PCDHGB1: variants seen among roughly 807,000 people sequenced by gnomAD.
PCDHGB1 encodes the protein protocadherin gamma-B1.
Under a neutral mutation model 56.6 loss-of-function variants are expected in PCDHGB1, and 34 were observed. The ratio of observed to expected loss-of-function variants is 0.60; its 90% confidence interval spans 0.46 to 0.80. The LOEUF (loss-of-function observed/expected upper bound fraction) is 0.80. PCDHGB1 is among the 30% of genes least tolerant of loss of function. The pLI is 0.00. For missense variants in PCDHGB1, 1,278 were observed against 1,204.6 expected (o/e 1.06, Z -0.90); for synonymous variants, 561 against 505.9 (o/e 1.11, Z -1.46).
intron 3 of PCDHGB1, among the ~76,000 whole-genome samples, 193 bp downstream of exon 3, chr5:141,505,674 G>C (rs1482125302): frequency 6.6e-6 from 1 of 152,192 alleles, no homozygotes; most frequent in East Asian, 1.9e-4. Context: ...GGGGTTGGGG[G>C]TCCTGGGATG....
At chr5:141,400,165 C>T (rs749867110) in intron 1 of PCDHGB1, 2 of 1,614,040 alleles carry the variant, frequency 1.2e-6, no homozygotes, top group South Asian at 2.2e-5. Flanking sequence ...ACCCTCTGAC[C>T]CCCAGGCTGA....
intron 1 of PCDHGB1, chr5:141,417,768 C>T: frequency 6.9e-7 from 1 of 1,451,358 alleles, no homozygotes; most frequent in Non-Finnish European, 9.1e-7. Context: ...ACCCGGGACT[C>T]CTCCTGTCCT....
Position 141,366,322 on chromosome 5 carries a change from G to T in PCDHGB1, c.2409+13653G>T, listed in dbSNP as rs1764494961. 3.1e-6 allele frequency: 5 copies of T among 1,613,654 alleles called. No individual in the cohort carries two copies. The South Asian group carries it at 5.5e-5, about 18-fold the overall frequency. On this transcript the variant is annotated intron_variant, in intron 1 of 3. Transcript: ENST00000523390. ...CCACCTTCACGGTCACCGTTGCCGT[G>T]GCCGACAGGATCCCTGACATCCTGG... is the stretch of plus-strand genomic sequence containing the variant.
rs1007318194 is a variant in PCDHGB1, at chr5:141,512,035, T to G, written c.*862T>G. On this transcript the variant is annotated 3_prime_UTR_variant, in exon 4 of 4. Coordinates refer to ENST00000523390, the MANE Select transcript of PCDHGB1 (RefSeq NM_018922.3). ...AAGTTATCAAGGCCTTGGAGGAGGC[T>G]CTGTATGTCCTCAGGGGACTGACAA... 1.3e-5 allele frequency: 2 copies of G among 152,870 alleles called. No individual in the cohort carries two copies. Among genetic ancestry groups the G allele is most frequent in the African/African-American group, 4.8e-5 (2 of 41,464 alleles). The allele number at this position is 152,870 out of a possible 1,614,324, so 9.5% of individuals were successfully genotyped here.
chr5:141,367,411 C>G (rs1046748433), intron 1 of PCDHGB1: 8 of 152,236 alleles, frequency 5.3e-5, no homozygotes, highest in Admixed American at 3.9e-4. Context: ...GTGGCAGGCG[C>G]CTGTAGTCCC....
intron 1 of PCDHGB1, chr5:141,423,251 A>T: frequency 6.2e-7 from 1 of 1,613,844 alleles, no homozygotes; most frequent in East Asian, 2.2e-5. Context: ...GTCCTGGCGG[A>T]CCTCGGCAGC....
At chr5:141,402,872 T>C in intron 1 of PCDHGB1, 1 of 1,455,372 alleles carries the variant, frequency 6.9e-7, no homozygotes, top group Non-Finnish European at 9.1e-7. Flanking sequence ...AAGATCACCA[T>C]ACTTTGCAGG....
chr5:141,408,973 T>C (rs754120948), intron 1 of PCDHGB1: 8 of 1,613,718 alleles, frequency 5.0e-6, no homozygotes, highest in South Asian at 1.1e-5. Context: ...ATCTGCCCCC[T>C]GGGTCCCCTG....
intron 1 of PCDHGB1, chr5:141,372,525 A>G: frequency 6.2e-7 from 1 of 1,613,804 alleles, no homozygotes; most frequent in South Asian, 1.1e-5. Flanking sequence ...GATTCTGGCA[A>G]TCTCCCTGCG....
In PCDHGB1 at chr5:141,351,135, C is replaced by A; in HGVS notation, c.875C>A (p.Pro292Gln). The A allele has an allele frequency of 6.2e-7, 1 of 1,614,038 alleles. No homozygotes were observed. The highest frequency in any genetic ancestry group is 1.1e-5 in the South Asian group (1 of 91,088). The change falls in exon 1 of 4, where the codon CCA becomes CAA. Residue 292 changes from proline to glutamine, a missense_variant. Coordinates refer to ENST00000523390, the MANE Select transcript of PCDHGB1 (RefSeq NM_018922.3). ...PISTSLFNLN[P>Q]NTGDITTNGT... ...AGTACCAGCCTCTTCAATCTCAATC[C>A]AAATACTGGCGACATCACAACCAAT...
At chr5:141,354,975 T>C (rs1466745484) in intron 1 of PCDHGB1, 5 of 539,240 alleles carry the variant, frequency 9.3e-6, no homozygotes, top group Non-Finnish European at 1.5e-5. Context: ...ACTCTGGGTG[T>C]CGCTGTTCAC....
Position 141,397,948 on chromosome 5 carries a change from C to T in PCDHGB1, c.2409+45279C>T, listed in dbSNP as rs139631080. The T allele has an allele frequency of 7.9e-4, 721 of 913,614 alleles. 6 individuals are homozygous for T. The African/African-American group carries it at 0.01, about 13-fold the overall frequency. The allele number at this position is 913,614 out of a possible 1,614,324, so 56.6% of individuals were successfully genotyped here. On this transcript the variant is annotated intron_variant, in intron 1 of 3. Coordinates refer to ENST00000523390, the MANE Select transcript of PCDHGB1 (RefSeq NM_018922.3). Reference sequence around the variant, plus strand: ...CGCAGCCGCAGCGCGCTTTCCAGGGCAGCCCCAGCTCAGACTCCCCAGCGC... The same window carrying T: ...CGCAGCCGCAGCGCGCTTTCCAGGGTAGCCCCAGCTCAGACTCCCCAGCGC...
rs17097234 is a variant in PCDHGB1, at chr5:141,362,611, G to A, written c.2409+9942G>A. The A allele has an allele frequency of 3.3e-3, 5,121 of 1,555,416 alleles. 139 individuals are homozygous for A. The African/African-American group carries it at 0.064, about 19-fold the overall frequency. On this transcript the variant is annotated intron_variant, in intron 1 of 3. Coordinates refer to ENST00000523390, the MANE Select transcript of PCDHGB1 (RefSeq NM_018922.3). ...TGGTTTTATTGTTTCACCTAATTTG[G>A]GTAGGAAGTTCCACTGCGTATTTCT...
chr5:141,457,045 C>T (rs1489830197), intron 1 of PCDHGB1, among the ~76,000 whole-genome samples: 1 of 152,198 alleles, frequency 6.6e-6, no homozygotes, highest in African/African-American at 2.4e-5. Context: ...GATAGTAAAA[C>T]TTTCATGCTT....
intron 1 of PCDHGB1, among the ~76,000 whole-genome samples, chr5:141,435,539 C>T (rs75717921): frequency 1.3e-5 from 2 of 152,226 alleles, no homozygotes; most frequent in South Asian, 4.1e-4. Flanking sequence ...TCAGAATTAA[C>T]AAAATGTGTT....
In PCDHGB1 at chr5:141,493,550, T is replaced by C. The variant is rs978188511; in HGVS notation, c.2410-1257T>C. On this transcript the variant is annotated intron_variant, in intron 1 of 3. Coordinates refer to ENST00000523390, the MANE Select transcript of PCDHGB1 (RefSeq NM_018922.3). This position sits in a 1 kb window ranked among gnomAD's most constrained non-coding sequence, Gnocchi z 4.3. Reference sequence around the variant, plus strand: ...ACTTGGCCAGTTATCCTTTTGGAGATTGAGTTCCCCCAGCTCCGTTTCCTC... The same window carrying C: ...ACTTGGCCAGTTATCCTTTTGGAGACTGAGTTCCCCCAGCTCCGTTTCCTC... Among the ~76,000 whole-genome samples the C allele has an allele frequency of 1.3e-5, 2 of 152,172 alleles. No homozygotes were observed. The highest frequency in any genetic ancestry group is 2.4e-5 in the African/African-American group (1 of 41,430).
chr5:141,374,455 G>T, intron 1 of PCDHGB1: 2 of 1,613,610 alleles, frequency 1.2e-6, no homozygotes, highest in Non-Finnish European at 1.7e-6. Context: ...TGGAAATAGT[G>T]GACATTAATG....
chr5:141,404,555 A>G (rs751841732), intron 1 of PCDHGB1: 1 of 1,613,802 alleles, frequency 6.2e-7, no homozygotes, highest in African/African-American at 1.3e-5. Flanking sequence ...GGTGACGGCA[A>G]GTGACAGTGG....
Position 141,441,858 on chromosome 5 carries a change from C to T in PCDHGB1, c.2410-52949C>T, listed in dbSNP as rs535716058. The T allele has an allele frequency of 6.0e-5, 21 of 349,416 alleles. No homozygotes were observed. The East Asian group carries it at 7.4e-4, about 12-fold the overall frequency. The allele number at this position is 349,416 out of a possible 1,614,324, so 21.6% of individuals were successfully genotyped here. On this transcript the variant is annotated intron_variant, in intron 1 of 3. Coordinates refer to ENST00000523390, the MANE Select transcript of PCDHGB1 (RefSeq NM_018922.3). ...TCGCGCTCTTGGATATGGTGCTGCA[C>T]GCCGCGGAGCCTGGCTACCTGGTCA...
Sources: allele counts gnomAD v4.1 joint callset (sites outside exome capture counted in the v4.1 genomes callset), GRCh38; gene constraint gnomAD v4.1.1; non-coding constraint Gnocchi (gnomAD v3.1); transcripts MANE v1.5; gene names NCBI Gene and HGNC (gene_info 2026-07-23, HGNC 2026-07-21).